COL15A1: variants seen among roughly 807,000 people sequenced by gnomAD.
COL15A1 encodes collagen alpha-1(XV) chain.
COL15A1 carries 111 observed loss-of-function variants against 165.9 expected under a neutral mutation model. The observed-to-expected ratio is 0.67, with a 90% CI of 0.57 to 0.78. COL15A1 has a LOEUF of 0.78. Ranked by LOEUF, COL15A1 falls within the 30% of genes least tolerant of loss-of-function variation. The pLI, the probability that COL15A1 is intolerant of heterozygous loss-of-function variation, is 0.00. For synonymous variants in COL15A1, 659 were observed against 674.8 expected (o/e 0.98, Z 0.36); for missense variants, 1,745 against 1,789.7 (o/e 0.98, Z 0.45).
In COL15A1 at chr9:99,023,923, G is replaced by A. The variant is rs550103408; in HGVS notation, c.1854+474G>A. Among the ~76,000 whole-genome samples, 41 of 152,250 alleles carry A rather than the reference G, an allele frequency of 2.7e-4. 1 individual carries two copies. Among genetic ancestry groups the A allele is most frequent in the African/African-American group, 9.6e-4 (40 of 41,522 alleles). On this transcript the variant is annotated intron_variant, in intron 14 of 41. Coordinates refer to ENST00000375001, the MANE Select transcript of COL15A1 (RefSeq NM_001855.5). ...ATTCCCTCCCTGCCTCCCTCTCCAG[G>A]CTACTCTTTCTCTTTGGTGCCTCTT...
chr9:99,025,928 G>T lies in COL15A1; in HGVS notation c.2005G>T (p.Asp669Tyr). The change falls in exon 16 of 42, where the codon GAT (aspartate) becomes TAT (tyrosine). Residue 669 changes from aspartate (D) to tyrosine (Y), a missense_variant. Asp to Tyr is a radical substitution (Grantham distance 160, BLOSUM62 -3). Transcript: ENST00000375001. ...PPGPEGQPGV[D>Y]GATGLPGMKG... ...GGGCCCTGAGGGACAGCCTGGAGTT[G>T]ATGGAGCCACCGGCCTTCCCGGGAT... 2 of 1,613,082 alleles carry T rather than the reference G, an allele frequency of 1.2e-6. No homozygotes were observed. Among genetic ancestry groups the T allele is most frequent in the Non-Finnish European group, 1.7e-6 (2 of 1,179,648 alleles).
In COL15A1 at chr9:99,049,829, C is replaced by A. The variant is rs772643297; in HGVS notation, c.2863-25C>A. The A allele has an allele frequency of 1.9e-6, 3 of 1,614,126 alleles. No homozygotes were observed. In the African/African-American group the frequency reaches 4.0e-5, roughly 22 times the overall value. On this transcript the variant is annotated intron_variant, in intron 29 of 41. Coordinates refer to ENST00000375001, the MANE Select transcript of COL15A1 (RefSeq NM_001855.5). ...GGAGTCAGGTGTCCTGTTGACCTCACCTCTCTTGTTCTCATTACCCACAGG... is the reference window on the plus strand; with the variant it reads ...GGAGTCAGGTGTCCTGTTGACCTCAACTCTCTTGTTCTCATTACCCACAGG...
At chr9:99,060,882 GA>G (rs199621329) in intron 36 of COL15A1, among the ~76,000 whole-genome samples, 2 of 151,328 alleles carry the variant, frequency 1.3e-5, no homozygotes, top group Admixed American at 1.3e-4. Flanking sequence ...CCCATCTCTA[GA>G]AAAAAAAGAA....
At chr9:99,066,548 G>A (rs979047026) in intron 39 of COL15A1, among the ~76,000 whole-genome samples, 9 of 147,898 alleles carry the variant, frequency 6.1e-5, no homozygotes, top group Admixed American at 2.8e-4. Context: ...GGTGGATTCC[G>A]AGATTCAGAT....
intron 39 of COL15A1, among the ~76,000 whole-genome samples, chr9:99,063,394 G>A (rs1286841125): frequency 1.3e-5 from 2 of 152,166 alleles, no homozygotes; most frequent in Non-Finnish European, 2.9e-5. Context: ...GTGGGAGAGA[G>A]GCAAAGGGAA....
At chr9:99,029,366 C>T (rs991549748) in intron 16 of COL15A1, among the ~76,000 whole-genome samples, 3 of 152,170 alleles carry the variant, frequency 2.0e-5, no homozygotes, top group African/African-American at 7.2e-5. Flanking sequence ...CTGTCTTTTC[C>T]GTTGATGTAA....
intron 16 of COL15A1, among the ~76,000 whole-genome samples, chr9:99,026,366 C>T (rs1442664179): frequency 2.6e-5 from 4 of 152,182 alleles, no homozygotes; most frequent in Admixed American, 1.3e-4. Flanking sequence ...CGCACGGTGG[C>T]CTTGGGCTCC....
At chr9:99,069,390 C>G (rs1224892625) in intron 41 of COL15A1, among the ~76,000 whole-genome samples, 1 of 152,196 alleles carries the variant, frequency 6.6e-6, no homozygotes, top group Non-Finnish European at 1.5e-5. Context: ...GAAGGAGTCA[C>G]TGGTCTGAAA....
In COL15A1 at chr9:99,038,734, G is replaced by T; in HGVS notation, c.2475+1G>T. Reference sequence around the variant, plus strand: ...CATTCCTGAGCTGGTGGGGCCTCCGGTTGGTATCTACAGCTGCCCCAGAAT... The same window carrying T: ...CATTCCTGAGCTGGTGGGGCCTCCGTTTGGTATCTACAGCTGCCCCAGAAT... On this transcript the variant is annotated splice_donor_variant, in intron 22 of 41. Coordinates refer to ENST00000375001, the MANE Select transcript of COL15A1 (RefSeq NM_001855.5). LOFTEE classifies it high-confidence loss of function. The T allele has an allele frequency of 6.3e-7, 1 of 1,595,956 alleles. No individual in the cohort carries two copies. Among genetic ancestry groups the T allele is most frequent in the Non-Finnish European group, 8.6e-7 (1 of 1,163,476 alleles).
chr9:99,015,796 C>T (rs1838923681), intron 10 of COL15A1, among the ~76,000 whole-genome samples, 180 bp from the exon 11 acceptor site: 1 of 152,228 alleles, frequency 6.6e-6, no homozygotes, highest in Non-Finnish European at 1.5e-5. Context: ...AAGTGGTCCA[C>T]AGTTGGCACT....
chr9:99,067,054 T>C lies in COL15A1; in HGVS notation c.3824T>C (p.Ile1275Thr). Residue 1275 changes from isoleucine (I) to threonine (T), a missense_variant, in exon 40 of 42, where the codon ATA (isoleucine) becomes ACA (threonine). Transcript: ENST00000375001. Reference sequence around the variant, plus strand: ...AAAGCAGAGAGATACAGCCTTCCCATAGTGAACCTCAAGGTAAAAATAAAT... The same window carrying C: ...AAAGCAGAGAGATACAGCCTTCCCACAGTGAACCTCAAGGTAAAAATAAAT... ...VRKAERYSLP[I>T]VNLKGQVLFN... The C allele has an allele frequency of 6.2e-7, 1 of 1,613,422 alleles. No homozygotes were observed. Among genetic ancestry groups the C allele is most frequent in the Non-Finnish European group, 8.5e-7 (1 of 1,179,658 alleles).
Position 99,035,097 on chromosome 9 carries a change from G to GCCTCCTGGACCCCCTGGGCCCCCAGGC in COL15A1, c.2167_2193dup (p.Pro723_Pro731dup). The GCCTCCTGGACCCCCTGGGCCCCCAGGC allele has an allele frequency of 6.2e-7, 1 of 1,607,902 alleles. No individual in the cohort carries two copies. Among genetic ancestry groups the GCCTCCTGGACCCCCTGGGCCCCCAGGC allele is most frequent in the Non-Finnish European group, 8.5e-7 (1 of 1,174,796 alleles). ...CTCCTGGGGTCATGGGACCCCCAGGGCCTCCTGGACCCCCTGGGCCCCCAG... is the reference window on the plus strand; with the variant it reads ...CTCCTGGGGTCATGGGACCCCCAGGGCCTCCTGGACCCCCTGGGCCCCCAGGCCCTCCTGGACCCCCTGGGCCCCCAG... On this transcript the variant is annotated inframe_insertion, in exon 18 of 42. Coordinates refer to ENST00000375001, the MANE Select transcript of COL15A1 (RefSeq NM_001855.5).
intron 9 of COL15A1, 66 bp downstream of exon 9, chr9:99,005,116 G>A (rs1838735812): frequency 1.4e-6 from 2 of 1,471,214 alleles, no homozygotes; most frequent in East Asian, 2.3e-5. Context: ...TTCTCAGAGT[G>A]TGGGGCTCCT....
intron 40 of COL15A1, 30 bp from the exon 41 acceptor site, chr9:99,068,525 T>C: frequency 1.1e-6 from 1 of 902,276 alleles, no homozygotes; most frequent in Middle Eastern, 2.3e-4. Flanking sequence ...GATGGTATAA[T>C]GATTCTAATG....
At chr9:99,062,817 C>G (rs1458384127) in intron 38 of COL15A1, among the ~76,000 whole-genome samples, 1 of 152,124 alleles carries the variant, frequency 6.6e-6, no homozygotes, top group Admixed American at 6.5e-5. Context: ...AAAAAGAATG[C>G]CCTTCCTTGA....
chr9:99,068,498 T>A, intron 40 of COL15A1, 57 bp from the exon 41 acceptor site: 15 of 571,148 alleles, frequency 2.6e-5, no homozygotes, highest in Non-Finnish European at 3.8e-5. Context: ...AGTAAAAATC[T>A]AACTCATTTG....
At chr9:99,062,450 G>A in intron 38 of COL15A1, 146 bp downstream of exon 38, 1 of 675,112 alleles carries the variant, frequency 1.5e-6, no homozygotes, top group Non-Finnish European at 2.6e-6. Flanking sequence ...AAATTAATGG[G>A]TGCTAACAGG....
chr9:98,975,120 C>T (rs1838122083), intron 2 of COL15A1, among the ~76,000 whole-genome samples: 1 of 152,228 alleles, frequency 6.6e-6, no homozygotes, highest in African/African-American at 2.4e-5. Context: ...GGTCCCGGGG[C>T]GTCCTCAGCC....
At chr9:99,008,957 GCT>G (rs1387237649) in intron 9 of COL15A1, among the ~76,000 whole-genome samples, 3 of 152,126 alleles carry the variant, frequency 2.0e-5, no homozygotes, top group African/African-American at 7.2e-5. Flanking sequence ...AGTTTTCTTG[GCT>G]CCGATAAACA....
Sources: gnomAD v4.1 joint callset for allele counts (sites outside exome capture counted in the v4.1 genomes callset) on GRCh38, gnomAD v4.1.1 for gene constraint, MANE v1.5 for transcripts, NCBI Gene and HGNC (gene_info 2026-07-23, HGNC 2026-07-21) for gene names.